TBC1D19: variants seen among roughly 807,000 people sequenced by gnomAD.
TBC1D19 encodes TBC1 domain family member 19.
TBC1D19 carries 60 observed loss-of-function variants against 89.0 expected under a neutral mutation model. The ratio of observed to expected loss-of-function variants is 0.67; its 90% confidence interval spans 0.55 to 0.84. The LOEUF is 0.84. Among genes scored for constraint, TBC1D19 ranks in the 40% least tolerant of loss-of-function variants. The probability of loss-of-function intolerance (pLI) is 0.00; values close to 1 mark genes in which losing one functional copy is unlikely to be tolerated. For missense variants in TBC1D19, 500 were observed against 610.8 expected (o/e 0.82, Z 1.91); for synonymous variants, 189 against 199.7 (o/e 0.95, Z 0.45).
chr4:26,746,627 G>A (rs1325465617), intron 18 of TBC1D19, among the ~76,000 whole-genome samples: 1 of 152,124 alleles, frequency 6.6e-6, no homozygotes, highest in East Asian at 1.9e-4. Context: ...TTATCTGTGG[G>A]AGATATATTC....
At chr4:26,839,500 AAAG>A in the TBC1D19 span, among the ~76,000 whole-genome samples, 2 of 152,066 alleles carry the variant, frequency 1.3e-5, no homozygotes, top group East Asian at 3.9e-4. Flanking sequence ...TTATTTAGTT[AAAG>A]AAGATGTGTG....
chr4:26,801,534 A>G, the TBC1D19 span, among the ~76,000 whole-genome samples: 1 of 152,104 alleles, frequency 6.6e-6, no homozygotes, highest in Admixed American at 6.6e-5. Flanking sequence ...GTCTTTCCCA[A>G]TTCTGTGAAG....
At chr4:26,603,867 TACATAC>T (rs1740788563) in intron 1 of TBC1D19, among the ~76,000 whole-genome samples, 1 of 152,184 alleles carries the variant, frequency 6.6e-6, no homozygotes, top group Admixed American at 6.5e-5. Flanking sequence ...TGTCATTAAG[TACATAC>T]ACATTGTTGT....
intron 3 of TBC1D19, among the ~76,000 whole-genome samples, chr4:26,618,870 G>T (rs1741857091): frequency 6.6e-6 from 1 of 152,080 alleles, no homozygotes; most frequent in Non-Finnish European, 1.5e-5. Flanking sequence ...GGTTATTTAG[G>T]GAGACTTGGG....
intron 20 of TBC1D19, among the ~76,000 whole-genome samples, chr4:26,754,576 A>G (rs1719158479): frequency 6.6e-6 from 1 of 152,228 alleles, no homozygotes; most frequent in Non-Finnish European, 1.5e-5. Context: ...TTCATAATGT[A>G]TGCTTATTTA....
the TBC1D19 span, among the ~76,000 whole-genome samples, chr4:26,775,083 G>T: frequency 6.6e-6 from 1 of 152,156 alleles, no homozygotes; most frequent in Non-Finnish European, 1.5e-5. Context: ...TTGAGAACTG[G>T]TAAATTGCAT....
At chr4:26,828,725 A>T in the TBC1D19 span, among the ~76,000 whole-genome samples, 1 of 152,234 alleles carries the variant, frequency 6.6e-6, no homozygotes, top group African/African-American at 2.4e-5. Context: ...GTAAATAGGG[A>T]TAATAAAAGT....
At chr4:26,815,665 A>G in the TBC1D19 span, among the ~76,000 whole-genome samples, 1 of 152,226 alleles carries the variant, frequency 6.6e-6, no homozygotes, top group Non-Finnish European at 1.5e-5. Flanking sequence ...AGAAAAAAAG[A>G]GGCCATTCTG....
At chr4:26,752,398 A>G (rs1719016834) in intron 19 of TBC1D19, among the ~76,000 whole-genome samples, 2 of 151,542 alleles carry the variant, frequency 1.3e-5, no homozygotes, top group Non-Finnish European at 2.9e-5. Context: ...AATGCACCAC[A>G]GTGGCTGGCT....
chr4:26,698,022 C>A (rs1714963910), intron 13 of TBC1D19, among the ~76,000 whole-genome samples: 1 of 151,990 alleles, frequency 6.6e-6, no homozygotes, highest in East Asian at 1.9e-4. Flanking sequence ...GGCAATCAGG[C>A]AGGAGAAGGA....
downstream of TBC1D19, among the ~76,000 whole-genome samples, chr4:26,757,666 A>G (rs1450412807): frequency 6.6e-6 from 1 of 152,220 alleles, no homozygotes; most frequent in Non-Finnish European, 1.5e-5. Context: ...CATACTCAGC[A>G]TGTGCTCTCT....
At chr4:26,705,345 A>G (rs1174700239) in intron 13 of TBC1D19, among the ~76,000 whole-genome samples, 1 of 152,176 alleles carries the variant, frequency 6.6e-6, no homozygotes, top group Admixed American at 6.5e-5. Context: ...ATTGTATCCA[A>G]GAGATCACCA....
intron 9 of TBC1D19, among the ~76,000 whole-genome samples, chr4:26,667,474 ACTT>A (rs1711915347): frequency 6.6e-6 from 1 of 151,906 alleles, no homozygotes; most frequent in Admixed American, 6.6e-5. Flanking sequence ...GTGATGTTTG[ACTT>A]CTTTTGTTCA....
intron 4 of TBC1D19, among the ~76,000 whole-genome samples, chr4:26,622,864 C>T (rs1001058266): frequency 6.6e-6 from 1 of 152,108 alleles, no homozygotes; most frequent in Non-Finnish European, 1.5e-5. Context: ...GTTTGCCTAT[C>T]CCCGCACTAA....
the TBC1D19 span, among the ~76,000 whole-genome samples, chr4:26,762,513 G>A: frequency 6.6e-6 from 1 of 152,114 alleles, no homozygotes; most frequent in Non-Finnish European, 1.5e-5. Context: ...GTAAGAGACA[G>A]TACCCCCTAT....
chr4:26,599,710 C>T (rs1235284932), intron 1 of TBC1D19, among the ~76,000 whole-genome samples: 3 of 152,010 alleles, frequency 2.0e-5, no homozygotes, highest in Non-Finnish European at 1.5e-5. Flanking sequence ...CTTTGGGAGG[C>T]CAAGGCGGGC....
the TBC1D19 span, among the ~76,000 whole-genome samples, chr4:26,814,254 C>T: frequency 6.6e-6 from 1 of 152,148 alleles, no homozygotes; most frequent in Non-Finnish European, 1.5e-5. Flanking sequence ...TTTCTGTTTT[C>T]CTATCTGTAA....
Position 26,688,388 on chromosome 4 carries a change from T to A in TBC1D19, c.935T>A (p.Phe312Tyr), listed in dbSNP as rs995119829. Residue 312 changes from phenylalanine (F) to tyrosine (Y), a missense_variant, in exon 13 of 21, where the codon TTT (phenylalanine) becomes TAT (tyrosine). Phe to Tyr is a conservative substitution (Grantham distance 22). Transcript: ENST00000264866. ...AGCAATGATGATTATTATTTTGTATTTGAAGATTATTTATATCAGGTAAGT... is the reference window on the plus strand; with the variant it reads ...AGCAATGATGATTATTATTTTGTATATGAAGATTATTTATATCAGGTAAGT... ...TASNDDYYFV[F>Y]EDYLYQVLLC... The A allele has an allele frequency of 1.9e-6, 3 of 1,566,226 alleles. No homozygotes were observed. In the South Asian group the frequency reaches 3.4e-5, roughly 18 times the overall value.
chr4:26,801,323 T>C, the TBC1D19 span, among the ~76,000 whole-genome samples: 1 of 152,134 alleles, frequency 6.6e-6, no homozygotes, highest in Admixed American at 6.5e-5. Context: ...GTTGTAGATA[T>C]GCGGCATTAT....
Sources: allele counts gnomAD v4.1 joint callset (sites outside exome capture counted in the v4.1 genomes callset), GRCh38; gene constraint gnomAD v4.1.1; transcripts MANE v1.5; gene names NCBI Gene and HGNC (gene_info 2026-07-23, HGNC 2026-07-21).